Variants in CACNB4 observed in about 807,000 individuals in gnomAD.
The protein encoded by CACNB4 is voltage-dependent L-type calcium channel subunit beta-4.
In CACNB4, 32 loss-of-function variants were observed where a neutral mutation model predicts 71.2. The observed-to-expected ratio is 0.45, with a 90% CI of 0.34 to 0.60. The LOEUF is 0.60. CACNB4 is among the 20% of genes least tolerant of loss of function. The pLI is 0.01. For synonymous variants in CACNB4, 231 were observed against 236.9 expected (o/e 0.97, Z 0.23); for missense variants, 464 against 647.9 (o/e 0.72, Z 3.08).
chr2:151,865,893 T>A (rs2099842982), intron 9 of CACNB4: 1 of 151,948 alleles, frequency 6.6e-6, no homozygotes, highest in African/African-American at 2.4e-5. Context: ...TCAAGTGATT[T>A]TCCTGCCTCA....
In CACNB4 at chr2:151,973,910, G is replaced by C. The variant is rs1000591163; in HGVS notation, c.148-90540C>G. The C allele has an allele frequency of 1.4e-5, 19 of 1,390,342 alleles. No homozygotes were observed. In the African/African-American group the frequency reaches 2.6e-4, roughly 19 times the overall value. 86.1% of individuals were successfully genotyped at this position (1,390,342 alleles called of 1,614,324 possible). On this transcript the variant is annotated intron_variant, in intron 2 of 13. Transcript: ENST00000539935. ...TATCCCCAGAGGCAGTCCAGACCTG[G>C]CATTTTATCTGCCTTCCCAATACAG...
chr2:151,946,992 C>CA (rs2099865763), intron 2 of CACNB4, among the ~76,000 whole-genome samples: 1 of 152,118 alleles, frequency 6.6e-6, no homozygotes, highest in Non-Finnish European at 1.5e-5. Flanking sequence ...CATGTGCTCA[C>CA]AGCCTGAAAT....
intron 2 of CACNB4, among the ~76,000 whole-genome samples, chr2:151,902,941 T>C (rs968234486): frequency 1.3e-5 from 2 of 152,228 alleles, no homozygotes; most frequent in African/African-American, 4.8e-5. Flanking sequence ...GCTAATAGTT[T>C]CTGTTTTCAG....
intron 2 of CACNB4, among the ~76,000 whole-genome samples, chr2:152,074,921 C>T (rs1421138616): frequency 2.6e-5 from 4 of 152,094 alleles, no homozygotes; most frequent in Non-Finnish European, 5.9e-5. Flanking sequence ...ACCCTCACTG[C>T]CATCACCAGT....
intron 2 of CACNB4, among the ~76,000 whole-genome samples, chr2:152,045,804 G>A (rs1391054715): frequency 1.3e-5 from 2 of 152,098 alleles, no homozygotes; most frequent in East Asian, 3.9e-4. Context: ...TCTAAATACA[G>A]TGACTCGCAG....
At chr2:151,921,282 G>T (rs2099858959) in intron 2 of CACNB4, among the ~76,000 whole-genome samples, 1 of 151,798 alleles carries the variant, frequency 6.6e-6, no homozygotes, top group Non-Finnish European at 1.5e-5. Context: ...TCTAAAAAAT[G>T]ATGACAGCTG....
At chr2:151,900,099 G>A (rs1293245291) in intron 2 of CACNB4, among the ~76,000 whole-genome samples, 1 of 152,196 alleles carries the variant, frequency 6.6e-6, no homozygotes, top group African/African-American at 2.4e-5. Flanking sequence ...TAAAGGGCAG[G>A]AAAATAAAGG....
chr2:152,085,783 A>G (rs1687627400), intron 2 of CACNB4, among the ~76,000 whole-genome samples: 1 of 151,152 alleles, frequency 6.6e-6, no homozygotes, highest in Non-Finnish European at 1.5e-5. Context: ...GCCTGCCTGC[A>G]CTGTCTTTTT....
At position 151,861,851 on chromosome 2, in the gene CACNB4, A is replaced by AAAAAAAAAAAAAAAAAAAAAAAAAAAC. The variant is rs201014643; in HGVS notation, c.759-1032_759-1031insGTTTTTTTTTTTTTTTTTTTTTTTTTT. ...GGGTGAGACCCTGTCTCAAAAAAAA[A>AAAAAAAAAAAAAAAAAAAAAAAAAAAC]AAAAAAACTGAAGAATAAAGCAAAG... On this transcript the variant is annotated intron_variant, in intron 9 of 13. Coordinates refer to ENST00000539935, the MANE Select transcript of CACNB4 (RefSeq NM_000726.5). 1.3e-4 allele frequency: 17 copies of AAAAAAAAAAAAAAAAAAAAAAAAAAAC among 135,346 alleles called. 1 individual carries two copies. Among genetic ancestry groups the AAAAAAAAAAAAAAAAAAAAAAAAAAAC allele is most frequent in the Middle Eastern group, 3.7e-3 (1 of 268 alleles). The allele number at this position is 135,346 out of a possible 1,614,324, so 8.4% of individuals were successfully genotyped here.
intron 2 of CACNB4, among the ~76,000 whole-genome samples, chr2:152,060,807 T>A (rs1223284996): frequency 6.6e-6 from 1 of 152,186 alleles, no homozygotes; most frequent in African/African-American, 2.4e-5. Context: ...CAATACAGTC[T>A]TATATGAAAA....
chr2:151,844,473 T>C (rs2099837024), intron 12 of CACNB4, among the ~76,000 whole-genome samples: 1 of 151,464 alleles, frequency 6.6e-6, no homozygotes, highest in Non-Finnish European at 1.5e-5. Context: ...TGGCCATGAG[T>C]GCCAAGGAAA....
intron 2 of CACNB4, among the ~76,000 whole-genome samples, chr2:151,986,435 G>A (rs1681374577): frequency 6.6e-6 from 1 of 152,068 alleles, no homozygotes; most frequent in Non-Finnish European, 1.5e-5. Flanking sequence ...GATTTATGAT[G>A]AGGTTTACCA....
intron 2 of CACNB4, among the ~76,000 whole-genome samples, chr2:152,053,410 G>A (rs910614063): frequency 1.3e-5 from 2 of 152,170 alleles, no homozygotes; most frequent in Admixed American, 6.5e-5. Context: ...GGGCATGGAA[G>A]CCCCATGTTC....
In CACNB4 at chr2:151,883,854, A is replaced by G. The variant is rs547399713; in HGVS notation, c.148-484T>C. The G allele has an allele frequency of 1.3e-4, 28 of 223,614 alleles. No homozygotes were observed. In the South Asian group the frequency reaches 1.5e-3, roughly 12 times the overall value. 13.9% of individuals were successfully genotyped at this position (223,614 alleles called of 1,614,324 possible). ...TTAGTAAAATGATTTTCCAGTTTCAATGTCAACACTATTGAACTCTTTCAC... is the reference window on the plus strand; with the variant it reads ...TTAGTAAAATGATTTTCCAGTTTCAGTGTCAACACTATTGAACTCTTTCAC... On this transcript the variant is annotated intron_variant, in intron 2 of 13. Coordinates refer to ENST00000539935, the MANE Select transcript of CACNB4 (RefSeq NM_000726.5).
chr2:151,974,092 TC>T (rs990195743), intron 2 of CACNB4: 60 of 365,142 alleles, frequency 1.6e-4, no homozygotes, highest in African/African-American at 1.2e-3. Context: ...AAGAGCTGCT[TC>T]CTGTTTCGCC....
chr2:151,874,929 T>G (rs574407191), intron 5 of CACNB4: 1 of 399,286 alleles, frequency 2.5e-6, no homozygotes, highest in East Asian at 3.6e-5. Flanking sequence ...CCTGAAGCTG[T>G]CTTCACCCAA....
chr2:152,097,325 C>G (rs994439950), intron 2 of CACNB4, among the ~76,000 whole-genome samples: 3 of 152,264 alleles, frequency 2.0e-5, no homozygotes, highest in Middle Eastern at 3.4e-3. Flanking sequence ...TTAGAAAACA[C>G]ATTACACAAT....
intron 2 of CACNB4, among the ~76,000 whole-genome samples, chr2:152,022,028 C>T (rs929027694): frequency 3.9e-5 from 6 of 152,142 alleles, no homozygotes; most frequent in African/African-American, 1.4e-4. Context: ...TATTAAAAAG[C>T]ACATTTACAG....
chr2:151,853,303 C>T (rs1166156745), intron 12 of CACNB4, 145 bp downstream of exon 12: 2 of 561,696 alleles, frequency 3.6e-6, no homozygotes, highest in Non-Finnish European at 6.2e-6. Context: ...AACATAACAG[C>T]AGCAGTTTGT....
Sources: gnomAD v4.1 joint callset for allele counts (sites outside exome capture counted in the v4.1 genomes callset) on GRCh38, gnomAD v4.1.1 for gene constraint, MANE v1.5 for transcripts, NCBI Gene and HGNC (gene_info 2026-07-23, HGNC 2026-07-21) for gene names.